RBMS3: variants seen among roughly 807,000 people sequenced by gnomAD.
RBMS3 encodes RNA-binding motif, single-stranded-interacting protein 3.
RBMS3 carries 27 observed loss-of-function variants against 66.8 expected under a neutral mutation model. The observed-to-expected ratio is 0.40, with a 90% CI of 0.30 to 0.56. The LOEUF is 0.56. Among genes scored for constraint, RBMS3 ranks in the 20% least tolerant of loss-of-function variants. The pLI, the probability that RBMS3 is intolerant of heterozygous loss-of-function variation, is 0.40. For missense variants in RBMS3, 513 were observed against 549.5 expected (o/e 0.93, Z 0.66); for synonymous variants, 188 against 183.0 (o/e 1.03, Z -0.22).
intron 2 of RBMS3, among the ~76,000 whole-genome samples, chr3:29,438,265 A>G (rs2041477380): frequency 6.6e-6 from 1 of 152,170 alleles, no homozygotes; most frequent in Non-Finnish European, 1.5e-5. Flanking sequence ...GCACTTTTAG[A>G]GTTAATATTC....
chr3:29,884,187 C>T lies in RBMS3; in HGVS notation c.770C>T (p.Pro257Leu), dbSNP rs772771826. 43 of 1,611,536 alleles carry T rather than the reference C, an allele frequency of 2.7e-5. No homozygotes were observed. In the African/African-American group the frequency reaches 5.4e-4, roughly 20 times the overall value. ...GEAGMALTYD[P>L]TAAIQNGFYS... ...GCTGGCATGGCTTTGACCTATGACC[C>T]CACAGCTGCCATACAGAATGGGTAA... The change falls in exon 8 of 15, where the codon CCC becomes CTC. Residue 257 changes from proline (P) to leucine (L), a missense_variant. Transcript: ENST00000383767.
intron 1 of RBMS3, among the ~76,000 whole-genome samples, chr3:29,413,410 AT>A (rs1487508944): frequency 2.5e-5 from 3 of 117,682 alleles, no homozygotes; most frequent in Non-Finnish European, 6.1e-5. Flanking sequence ...ACATACATAC[AT>A]ACATACATAC....
chr3:29,703,347 G>A (rs1260593258), intron 4 of RBMS3, among the ~76,000 whole-genome samples: 1 of 152,186 alleles, frequency 6.6e-6, no homozygotes, highest in Admixed American at 6.5e-5. Flanking sequence ...AATGTGTGGG[G>A]AAGAACTTGG....
chr3:29,549,278 A>G (rs1160262567), intron 3 of RBMS3, among the ~76,000 whole-genome samples: 7 of 151,968 alleles, frequency 4.6e-5, no homozygotes, highest in Admixed American at 4.6e-4. Context: ...AGGGATGAAT[A>G]ATATATCTGT....
intron 3 of RBMS3, among the ~76,000 whole-genome samples, chr3:29,575,157 A>G (rs1490532646): frequency 3.9e-5 from 6 of 152,272 alleles, no homozygotes; most frequent in Admixed American, 3.9e-4. Context: ...AACACCCTTT[A>G]GCATTTCTTA....
chr3:29,336,534 T>C (rs1425098077), intron 1 of RBMS3, among the ~76,000 whole-genome samples: 3 of 152,176 alleles, frequency 2.0e-5, no homozygotes, highest in Non-Finnish European at 2.9e-5. Flanking sequence ...GCAATGACTT[T>C]ATTGCGGAAC....
chr3:29,458,776 A>T (rs1228133026), intron 2 of RBMS3, among the ~76,000 whole-genome samples: 1 of 152,216 alleles, frequency 6.6e-6, no homozygotes, highest in Non-Finnish European at 1.5e-5. Context: ...TTTTCTCAAC[A>T]TATACATTGA....
intron 1 of RBMS3, among the ~76,000 whole-genome samples, chr3:29,432,656 G>A (rs2041252824): frequency 6.6e-6 from 1 of 152,078 alleles, no homozygotes. Context: ...CTGCTCTCAG[G>A]AAACACAGAT....
intron 4 of RBMS3, among the ~76,000 whole-genome samples, chr3:29,632,984 T>A (rs565207261): frequency 2.0e-5 from 3 of 151,908 alleles, no homozygotes; most frequent in Non-Finnish European, 4.4e-5. Context: ...TATAAAGATC[T>A]CTAAGCAAAT....
At chr3:29,786,906 C>A (rs948375267) in intron 6 of RBMS3, among the ~76,000 whole-genome samples, 11 of 152,090 alleles carry the variant, frequency 7.2e-5, no homozygotes, top group African/African-American at 2.7e-4. Flanking sequence ...TAACAGACAA[C>A]CCACAGAGTG....
At chr3:29,959,945 T>C (rs1476382810) in intron 12 of RBMS3, among the ~76,000 whole-genome samples, 1 of 152,006 alleles carries the variant, frequency 6.6e-6, no homozygotes, top group Non-Finnish European at 1.5e-5. Context: ...GGTGGGGACA[T>C]ACCCAAACCA....
At chr3:29,428,130 ATCATTC>A (rs1355251773) in intron 1 of RBMS3, among the ~76,000 whole-genome samples, 1 of 152,108 alleles carries the variant, frequency 6.6e-6, no homozygotes, top group Admixed American at 6.5e-5. Context: ...TTGAGTTAGT[ATCATTC>A]TGTGAGGGGT....
intron 3 of RBMS3, among the ~76,000 whole-genome samples, chr3:29,557,229 T>G (rs2046397344): frequency 6.6e-6 from 1 of 152,242 alleles, no homozygotes; most frequent in Non-Finnish European, 1.5e-5. Context: ...GCTGTGTAAA[T>G]ATACCCTCTG....
chr3:29,755,289 A>G (rs2149371802), intron 5 of RBMS3, among the ~76,000 whole-genome samples: 1 of 152,332 alleles, frequency 6.6e-6, no homozygotes, highest in South Asian at 2.1e-4. Context: ...GGGGATAATC[A>G]GGTAATCCAA....
intron 3 of RBMS3, among the ~76,000 whole-genome samples, chr3:29,493,992 A>G (rs949689057): frequency 6.6e-6 from 1 of 152,178 alleles, no homozygotes; most frequent in Non-Finnish European, 1.5e-5. Context: ...TTGCAACTTT[A>G]TCTCCAGGCA....
intron 3 of RBMS3, among the ~76,000 whole-genome samples, chr3:29,584,887 A>G (rs1559488576): frequency 6.6e-6 from 1 of 152,128 alleles, no homozygotes; most frequent in Non-Finnish European, 1.5e-5. Context: ...GCAACATTGC[A>G]ATCTCAATTT....
At chr3:29,595,268 G>A (rs1055705576) in intron 4 of RBMS3, among the ~76,000 whole-genome samples, 1 of 151,758 alleles carries the variant, frequency 6.6e-6, no homozygotes, top group African/African-American at 2.4e-5. Flanking sequence ...GCGTGGTGGT[G>A]GGGACCTGTA....
At chr3:29,382,115 G>T (rs2038788495) in intron 1 of RBMS3, among the ~76,000 whole-genome samples, 1 of 152,106 alleles carries the variant, frequency 6.6e-6, no homozygotes, top group Non-Finnish European at 1.5e-5. Flanking sequence ...CATTCTGAAG[G>T]CTTATAATTC....
chr3:29,952,913 T>C (rs1695777045), intron 12 of RBMS3, among the ~76,000 whole-genome samples: 2 of 151,854 alleles, frequency 1.3e-5, no homozygotes, highest in African/African-American at 2.4e-5. Flanking sequence ...CATTAGCAAA[T>C]AAAATATGAA....
Sources: gnomAD v4.1 joint callset for allele counts (sites outside exome capture counted in the v4.1 genomes callset) on GRCh38, gnomAD v4.1.1 for gene constraint, MANE v1.5 for transcripts, NCBI Gene and HGNC (gene_info 2026-07-23, HGNC 2026-07-21) for gene names.